TESMIN: variants seen among roughly 807,000 people sequenced by gnomAD.
The protein encoded by TESMIN is CXC domain containing 2.
TESMIN carries 34 observed loss-of-function variants against 47.4 expected under a neutral mutation model. The observed-to-expected ratio is 0.72, with a 90% CI of 0.55 to 0.96. TESMIN has a LOEUF of 0.96. Ranked by LOEUF, TESMIN falls within the 40% of genes least tolerant of loss-of-function variation. TESMIN has a pLI of 0.00. For missense variants in TESMIN, 610 were observed against 637.2 expected, an observed-to-expected ratio of 0.96 and a Z score of 0.46; for synonymous variants, 278 against 258.9, an observed-to-expected ratio of 1.07 and a Z score of -0.71.
chr11:68,728,872 C>T (rs116142572), intron 6 of TESMIN, among the ~76,000 whole-genome samples: 8 of 152,258 alleles, frequency 5.3e-5, no homozygotes, highest in African/African-American at 1.4e-4. Flanking sequence ...TTAAGTCCAC[C>T]GTGAAGACCT....
chr11:68,715,929 A>C lies in TESMIN; in HGVS notation c.928T>G (p.Cys310Gly). 6.2e-7 allele frequency: 1 copy of C among 1,609,440 alleles called. No homozygotes were observed. Among genetic ancestry groups the C allele is most frequent in the South Asian group, 1.1e-5 (1 of 90,978 alleles). Residue 310 changes from cysteine (C) to glycine (G), a missense_variant, in exon 7 of 10, where the codon TGC becomes GGC. By Grantham distance (159) the Cys-to-Gly change is radical. Coordinates refer to ENST00000255087, the MANE Select transcript of TESMIN (RefSeq NM_004923.3). ...PKITLAGYCD[C>G]FASGDFCNNC... is the part of the protein sequence containing the mutation. ...TTGCAAAAGTCCCCACTGGCAAAGC[A>C]GTCACAGTACCTGTGAAGGAAAGGA...
intron 7 of TESMIN, among the ~76,000 whole-genome samples, chr11:68,714,078 C>T (rs1423412298): frequency 6.6e-6 from 1 of 152,220 alleles, no homozygotes. Flanking sequence ...CACACAAATA[C>T]ATACATATCT....
intron 6 of TESMIN, among the ~76,000 whole-genome samples, chr11:68,722,241 AT>A (rs1946211631): frequency 6.6e-6 from 1 of 152,214 alleles, no homozygotes; most frequent in African/African-American, 2.4e-5. Context: ...AGAAAGTAAA[AT>A]AGGGGTTACC....
chr11:68,747,186 A>G (rs199768412), intron 3 of TESMIN, 22 bp downstream of exon 3: 3 of 1,609,342 alleles, frequency 1.9e-6, no homozygotes, highest in Admixed American at 1.7e-5. Context: ...TTAGTCCTAC[A>G]CATCTTCTTT....
intron 6 of TESMIN, among the ~76,000 whole-genome samples, chr11:68,727,904 C>G (rs868710611): frequency 6.6e-6 from 1 of 152,110 alleles, no homozygotes; most frequent in African/African-American, 2.4e-5. Flanking sequence ...TATAAGAGCA[C>G]GAACTTAAGT....
intron 6 of TESMIN, 25 bp downstream of exon 6, chr11:68,738,675 A>G: frequency 6.2e-7 from 1 of 1,613,028 alleles, no homozygotes; most frequent in Non-Finnish European, 8.5e-7. Flanking sequence ...CATTAGAGTG[A>G]CAATGTATTG....
chr11:68,738,655 T>C, intron 6 of TESMIN, 45 bp downstream of exon 6: 1 of 1,610,034 alleles, frequency 6.2e-7, no homozygotes, highest in African/African-American at 1.3e-5. Context: ...AAGAGTCTCT[T>C]AAATTATTAC....
intron 2 of TESMIN, among the ~76,000 whole-genome samples, chr11:68,748,768 C>G (rs1240111173): frequency 6.6e-6 from 1 of 152,168 alleles, no homozygotes; most frequent in Non-Finnish European, 1.5e-5. Flanking sequence ...GTTTGTCAGA[C>G]CAGCAATCTC....
intron 5 of TESMIN, 159 bp from the exon 6 acceptor site, chr11:68,738,947 T>C (rs1180113594): frequency 4.8e-6 from 3 of 629,222 alleles, no homozygotes; most frequent in Non-Finnish European, 8.2e-6. Flanking sequence ...AGGAATCCAC[T>C]GACATTCGGA....
At position 68,715,944 on chromosome 11, in the gene TESMIN, G is replaced by A. The variant is rs1183373941; in HGVS notation, c.918-5C>T. 5 of 1,586,904 alleles carry A rather than the reference G, an allele frequency of 3.2e-6. No individual in the cohort carries two copies. Among genetic ancestry groups the A allele is most frequent in the Non-Finnish European group, 8.7e-7 (1 of 1,155,634 alleles). On this transcript the variant is annotated splice_region_variant and splice_polypyrimidine_tract_variant and intron_variant, in intron 6 of 9. Transcript: ENST00000255087. ...CTGGCAAAGCAGTCACAGTACCTGT[G>A]AAGGAAAGGACAGAGTGAGTGGCAG...
At chr11:68,747,641 T>C (rs769393556) in intron 2 of TESMIN, among the ~76,000 whole-genome samples, 7 of 152,206 alleles carry the variant, frequency 4.6e-5, no homozygotes, top group Non-Finnish European at 8.8e-5. Flanking sequence ...TAGTTTGAAT[T>C]AGATGTTCTA....
At chr11:68,714,279 T>G (rs1359182033) in intron 7 of TESMIN, among the ~76,000 whole-genome samples, 2 of 152,214 alleles carry the variant, frequency 1.3e-5, no homozygotes, top group Non-Finnish European at 2.9e-5. Context: ...TGCGCGGCTT[T>G]AGGCATTTTC....
chr11:68,738,502 G>A (rs1594298860), intron 6 of TESMIN, 198 bp downstream of exon 6: 1 of 1,376,938 alleles, frequency 7.3e-7, no homozygotes, highest in Non-Finnish European at 9.4e-7. Flanking sequence ...AGACTTTCCA[G>A]CAGCCTTTGC....
chr11:68,725,464 A>T (rs1419621697), intron 6 of TESMIN, among the ~76,000 whole-genome samples: 1 of 152,166 alleles, frequency 6.6e-6, no homozygotes, highest in Non-Finnish European at 1.5e-5. Context: ...CAATGCTGGC[A>T]CACTGGCAAC....
intron 8 of TESMIN, among the ~76,000 whole-genome samples, chr11:68,712,052 G>C (rs1000040954): frequency 1.3e-5 from 2 of 152,260 alleles, no homozygotes; most frequent in Non-Finnish European, 1.5e-5. Context: ...TGTTTCATCT[G>C]CACCTCTGGG....
At position 68,750,593 on chromosome 11, in the gene TESMIN, C is replaced by T; in HGVS notation, c.68G>A (p.Ser23Asn). 1 of 1,604,182 alleles carries T rather than the reference C, an allele frequency of 6.2e-7. No individual in the cohort carries two copies. Among genetic ancestry groups the T allele is most frequent in the Non-Finnish European group, 8.5e-7 (1 of 1,175,876 alleles). Residue 23 changes from serine (S) to asparagine (N), a missense_variant, in exon 2 of 10, where the codon AGC (serine) becomes AAC (asparagine). Coordinates refer to ENST00000255087, the MANE Select transcript of TESMIN (RefSeq NM_004923.3). Reference sequence around the variant, plus strand: ...CTCCGAAGCGAACGGACCCTCGGGGCTTAAGAGCTCCGTCACCATCGCATC... The same window carrying T: ...CTCCGAAGCGAACGGACCCTCGGGGTTTAAGAGCTCCGTCACCATCGCATC... ...PEDAMVTELL[S>N]PEGPFASENI...
At position 68,708,006 on chromosome 11, in the gene TESMIN, C is replaced by T. The variant is rs1435481474; in HGVS notation, c.*302G>A. Reference sequence around the variant, plus strand: ...CTGCCCCGCTCTGCCCTTCGCAGGGCCTGCTGTGCCCTCCCCTGCCCTGCT... The same window carrying T: ...CTGCCCCGCTCTGCCCTTCGCAGGGTCTGCTGTGCCCTCCCCTGCCCTGCT... On this transcript the variant is annotated 3_prime_UTR_variant, in exon 10 of 10. Transcript: ENST00000255087. 8.9e-6 allele frequency: 4 copies of T among 448,978 alleles called. No homozygotes were observed. The Admixed American group carries it at 1.2e-4, about 14-fold the overall frequency. The allele number at this position is 448,978 out of a possible 1,614,324, so 27.8% of individuals were successfully genotyped here. A position where few individuals can be genotyped will look rare whatever the true frequency, so the allele number is the denominator to read the frequency against.
chr11:68,705,412 T>C (rs1450011949), downstream of TESMIN, among the ~76,000 whole-genome samples: 1 of 152,106 alleles, frequency 6.6e-6, no homozygotes, highest in Non-Finnish European at 1.5e-5. Context: ...GTGAGAGGTT[T>C]GTAAAGGGAT....
chr11:68,735,761 GCATAGTTCGGCA>G (rs1946380024), intron 6 of TESMIN, among the ~76,000 whole-genome samples: 1 of 152,372 alleles, frequency 6.6e-6, no homozygotes, highest in Non-Finnish European at 1.5e-5. Flanking sequence ...CTCAGAGGCA[GCATAGTTCGGCA>G]CAGATGGAAG....
Sources: allele counts gnomAD v4.1 joint callset (sites outside exome capture counted in the v4.1 genomes callset), GRCh38; gene constraint gnomAD v4.1.1; transcripts MANE v1.5; gene names NCBI Gene and HGNC (gene_info 2026-07-23, HGNC 2026-07-21).